The following ATP13A5 variants were observed in gnomAD, a reference collection of about 807,000 sequenced individuals.
ATP13A5 encodes the protein ATPase 13A5, also known as probable cation-transporting ATPase 13A5.
A neutral mutation model predicts 150.2 loss-of-function variants in ATP13A5; 149 were observed. The ratio of observed to expected loss-of-function variants is 0.99; its 90% confidence interval spans 0.87 to 1.14. The LOEUF (loss-of-function observed/expected upper bound fraction) is 1.14, where lower values mean the gene tolerates loss of function less well. Among genes scored for constraint, ATP13A5 ranks in the 50% most tolerant of loss-of-function variants. ATP13A5 has a pLI of 0.00. For synonymous variants in ATP13A5, 497 were observed against 522.2 expected (o/e 0.95, Z 0.66); for missense variants, 1,383 against 1,449.3 (o/e 0.95, Z 0.74).
At chr3:193,324,481 T>C (rs1217860496) in intron 14 of ATP13A5, among the ~76,000 whole-genome samples, 1 of 152,210 alleles carries the variant, frequency 6.6e-6, no homozygotes, top group Non-Finnish European at 1.5e-5. Flanking sequence ...TGGAAAACAC[T>C]GATGTTTTGG....
At chr3:193,289,364 A>G (rs1299177047) in intron 26 of ATP13A5, among the ~76,000 whole-genome samples, 1 of 152,176 alleles carries the variant, frequency 6.6e-6, no homozygotes, top group Non-Finnish European at 1.5e-5. Context: ...GGAAAAAACA[A>G]AATAAACAAA....
At chr3:193,339,074 G>A (rs1333985620) in intron 9 of ATP13A5, among the ~76,000 whole-genome samples, 1 of 151,420 alleles carries the variant, frequency 6.6e-6, no homozygotes, top group African/African-American at 2.4e-5. Flanking sequence ...TGGGATTGGT[G>A]GTGATATCCC....
intron 7 of ATP13A5, among the ~76,000 whole-genome samples, chr3:193,346,891 T>TAA (rs201660446): frequency 0.017 from 2,568 of 152,240 alleles, 86 homozygotes; most frequent in African/African-American, 0.058. Flanking sequence ...GCATGCATTT[T>TAA]AATGATGCGT....
In ATP13A5 at chr3:193,315,081, T is replaced by G. The variant is rs1472830849; in HGVS notation, c.2049A>C (p.Ser683=). Reference sequence around the variant, plus strand: ...TGAGAAGTCCCAGAAATGTTAACTCTGACTCCACTTTTTCTCTTTGTATTC... The same window carrying G: ...TGAGAAGTCCCAGAAATGTTAACTCGGACTCCACTTTTTCTCTTTGTATTC... ...VEHLAREKVE[S]ELTFLGLLIM... Residue 683 remains serine, a synonymous_variant, in exon 18 of 30, where the codon TCA becomes TCC. Coordinates refer to ENST00000342358, the MANE Select transcript of ATP13A5 (RefSeq NM_198505.4). 6.2e-7 allele frequency: 1 copy of G among 1,613,708 alleles called. No homozygotes were observed. The highest frequency in any genetic ancestry group is 2.2e-5 in the East Asian group (1 of 44,876).
intron 7 of ATP13A5, among the ~76,000 whole-genome samples, chr3:193,349,898 TATGCTAAAAA>T (rs1327153980): frequency 2.6e-5 from 4 of 152,154 alleles, no homozygotes; most frequent in African/African-American, 9.6e-5. Flanking sequence ...TTTTGGTTGC[TATGCTAAAAA>T]ATGCAAACAC....
chr3:193,363,144 A>G, intron 3 of ATP13A5, 92 bp downstream of exon 3: 2 of 1,425,852 alleles, frequency 1.4e-6, no homozygotes, highest in Non-Finnish European at 1.9e-6. Flanking sequence ...TCCCATTCCA[A>G]AAGTGTGATA....
Position 193,314,043 on chromosome 3 carries a change from G to C in ATP13A5, c.2309C>G (p.Pro770Arg), listed in dbSNP as rs769813281. 17 of 1,612,928 alleles carry C rather than the reference G, an allele frequency of 1.1e-5. No individual in the cohort carries two copies. In the East Asian group the frequency reaches 2.9e-4, roughly 27 times the overall value. Residue 770 changes from proline (P) to arginine (R), a missense_variant, in exon 19 of 30, where the codon CCT becomes CGT. Around this residue, in one of 3 missense-constraint regions of ATP13A5, gnomAD observed 568 missense variants for 621.5 expected, o/e 0.91. Coordinates refer to ENST00000342358, the MANE Select transcript of ATP13A5 (RefSeq NM_198505.4). ...CTAACATTTGCTCACTTTCTTCCCA[G>C]GTCCAGTCTCTTGGTTCTCCACCAG... ...WQLVENQETG[P>R]GKKEIYMHTG...
In ATP13A5 at chr3:193,364,222, A is replaced by G; in HGVS notation, c.122T>C (p.Val41Ala). Reference sequence around the variant, plus strand: ...CAGCAGAAGGCCCCCACAGGTCAGCACGGATGCGACAAGGCAGAAGGCTTT... The same window carrying G: ...CAGCAGAAGGCCCCCACAGGTCAGCGCGGATGCGACAAGGCAGAAGGCTTT... ...VRKAFCLVAS[V>A]LTCGGLLLVF... is the part of the protein sequence containing the mutation. Residue 41 changes from valine to alanine, a missense_variant, in exon 2 of 30, where the codon GTG (valine) becomes GCG (alanine). Transcript: ENST00000342358. 1 of 1,614,140 alleles carries G rather than the reference A, an allele frequency of 6.2e-7. No homozygotes were observed. The highest frequency in any genetic ancestry group is 1.6e-4 in the Middle Eastern group (1 of 6,062).
intron 2 of ATP13A5, 79 bp downstream of exon 2, chr3:193,364,028 C>A: frequency 2.1e-6 from 3 of 1,412,578 alleles, no homozygotes; most frequent in South Asian, 2.7e-5. Context: ...AATATAATAC[C>A]AGCCACAGAG....
intron 17 of ATP13A5, 103 bp from the exon 18 acceptor site, chr3:193,315,199 C>T: frequency 8.7e-7 from 1 of 1,154,994 alleles, no homozygotes; most frequent in East Asian, 2.6e-5. Context: ...TAATGCAATA[C>T]AGGCACATTT....
intron 23 of ATP13A5, among the ~76,000 whole-genome samples, chr3:193,302,272 G>A (rs140641767): frequency 6.6e-6 from 1 of 152,184 alleles, no homozygotes; most frequent in African/African-American, 2.4e-5. Flanking sequence ...AGAAGGCAAG[G>A]GTGGGAGAGA....
In ATP13A5 at chr3:193,301,202, G is replaced by A; in HGVS notation, c.2775+9C>T. ...ATTAGAACTGAGACAAAATGATTTT[G>A]TTTCATACCCAATAGAGCAGTAATG... On this transcript the variant is annotated intron_variant, in intron 24 of 29. Coordinates refer to ENST00000342358, the MANE Select transcript of ATP13A5 (RefSeq NM_198505.4). 6.2e-7 allele frequency: 1 copy of A among 1,600,582 alleles called. No homozygotes were observed. The highest frequency in any genetic ancestry group is 8.6e-7 in the Non-Finnish European group (1 of 1,169,088).
intron 25 of ATP13A5, among the ~76,000 whole-genome samples, chr3:193,296,574 T>C (rs759495395): frequency 2.4e-4 from 37 of 152,144 alleles, no homozygotes; most frequent in Non-Finnish European, 3.2e-4. Flanking sequence ...ACCATGCTGT[T>C]TTGGTTACTG....
intron 12 of ATP13A5, among the ~76,000 whole-genome samples, chr3:193,329,826 C>G (rs3845935): frequency 0.63 from 96,304 of 152,104 alleles, 31,399 homozygotes; most frequent in Non-Finnish European, 0.71. Context: ...AAGCAATGAT[C>G]TCTTCTGTTG....
At chr3:193,345,420 A>G (rs1281087329) in intron 7 of ATP13A5, among the ~76,000 whole-genome samples, 6 of 152,210 alleles carry the variant, frequency 3.9e-5, no homozygotes, top group African/African-American at 7.2e-5. Context: ...AGTGATTCGC[A>G]TATCAGGCAG....
intron 12 of ATP13A5, among the ~76,000 whole-genome samples, chr3:193,329,247 A>G (rs910310478): frequency 1.3e-5 from 2 of 150,804 alleles, no homozygotes; most frequent in African/African-American, 4.8e-5. Flanking sequence ...CTCAAAAGAA[A>G]AAAAAAAAAA....
At chr3:193,320,247 ATCTC>A (rs1357215816) in intron 16 of ATP13A5, among the ~76,000 whole-genome samples, 3 of 152,166 alleles carry the variant, frequency 2.0e-5, no homozygotes, top group African/African-American at 4.8e-5. Flanking sequence ...AGAATTCCAG[ATCTC>A]TCTGTCTCCA....
At chr3:193,369,749 G>A (rs1292939692) in intron 1 of ATP13A5, among the ~76,000 whole-genome samples, 1 of 152,152 alleles carries the variant, frequency 6.6e-6, no homozygotes, top group Non-Finnish European at 1.5e-5. Flanking sequence ...AGTGAGTTTT[G>A]CCACCTATTA....
rs1181462366 is a variant in ATP13A5, at chr3:193,354,061, C to CTAGGAAG, written c.606+59_606+65dup. On this transcript the variant is annotated intron_variant, in intron 6 of 29. Coordinates refer to ENST00000342358, the MANE Select transcript of ATP13A5 (RefSeq NM_198505.4). ...ACATCAAAGTATTTATGTGTTCCTT[C>CTAGGAAG]TAGGAAGTAAGAAGTAAGGGGCAGA... is the stretch of plus-strand genomic sequence containing the variant. The CTAGGAAG allele has an allele frequency of 9.7e-6, 13 of 1,342,410 alleles. 1 individual carries two copies. Among genetic ancestry groups the CTAGGAAG allele is most frequent in the Non-Finnish European group, 1.3e-5 (13 of 970,050 alleles). 83.2% of individuals were successfully genotyped at this position (1,342,410 alleles called of 1,614,324 possible). A position where few individuals can be genotyped will look rare whatever the true frequency, so the allele number is the denominator to read the frequency against.
Sources: allele counts gnomAD v4.1 joint callset (sites outside exome capture counted in the v4.1 genomes callset), GRCh38; gene constraint gnomAD v4.1.1; regional missense constraint gnomAD v4.1.1; transcripts MANE v1.5; gene names NCBI Gene and HGNC (gene_info 2026-07-23, HGNC 2026-07-21).